Variants in VPS13A observed in about 807,000 individuals in gnomAD.
VPS13A encodes the protein vacuolar protein sorting 13 homolog A, also known as intermembrane lipid transfer protein VPS13A.
Under a neutral mutation model 390.9 loss-of-function variants are expected in VPS13A, and 264 were observed. The observed-to-expected ratio is 0.68, with a 90% CI of 0.61 to 0.75. VPS13A has a LOEUF of 0.75. Ranked by LOEUF, VPS13A falls within the 30% of genes least tolerant of loss-of-function variation. VPS13A has a pLI of 0.00. For synonymous variants in VPS13A, 1,231 were observed against 1,227.1 expected (o/e 1.00, Z -0.07); for missense variants, 3,409 against 3,733.9 (o/e 0.91, Z 2.27).
At chr9:77,323,021 G>A in intron 44 of VPS13A, 46 bp from the exon 45 acceptor site, 2 of 1,403,832 alleles carry the variant, frequency 1.4e-6, no homozygotes, top group Non-Finnish European at 9.9e-7. Context: ...AAATTAATAT[G>A]TAATGAATTA....
At chr9:77,280,086 T>G (rs1481186396) in intron 26 of VPS13A, 73 bp from the exon 27 acceptor site, 25 of 1,177,590 alleles carry the variant, frequency 2.1e-5, no homozygotes, top group Non-Finnish European at 2.6e-5. Flanking sequence ...AATTACATAA[T>G]TAATAAGATT....
chr9:77,324,784 C>G (rs1234222729), intron 45 of VPS13A, among the ~76,000 whole-genome samples: 1 of 152,102 alleles, frequency 6.6e-6, no homozygotes, highest in Non-Finnish European at 1.5e-5. Flanking sequence ...TTAAGCAATC[C>G]TCCTATCTCA....
rs535860312 is a variant in VPS13A at position 77,190,957 on chromosome 9, T to G, written c.101-8988T>G. Among the ~76,000 whole-genome samples the G allele has an allele frequency of 2.6e-5, 4 of 152,218 alleles. No homozygotes were observed. In the East Asian group the frequency reaches 5.8e-4, roughly 22 times the overall value. On this transcript the variant is annotated intron_variant, in intron 1 of 71. Coordinates refer to ENST00000360280, the MANE Select transcript of VPS13A (RefSeq NM_033305.3). ...TCTAATTGTGTTTATTTGGATCTCC[T>G]CTCTCTCTTTTTTTTTCTTTGTTAG...
intron 68 of VPS13A, among the ~76,000 whole-genome samples, chr9:77,394,945 ATGT>A (rs1158292755): frequency 8.5e-5 from 13 of 152,240 alleles, no homozygotes; most frequent in Non-Finnish European, 1.9e-4. Context: ...GCTTGAAGAA[ATGT>A]TGTGGCTGGT....
At chr9:77,299,410 A>C (rs1216716066) in intron 33 of VPS13A, among the ~76,000 whole-genome samples, 1 of 152,180 alleles carries the variant, frequency 6.6e-6, no homozygotes, top group African/African-American at 2.4e-5. Flanking sequence ...CAATCATTAA[A>C]AAGTCAGGAA....
intron 22 of VPS13A, among the ~76,000 whole-genome samples, chr9:77,253,681 C>T (rs1369607964): frequency 2.0e-5 from 3 of 152,120 alleles, no homozygotes; most frequent in Admixed American, 2.0e-4. Flanking sequence ...TTTTTTCTCA[C>T]TCTGTGTTTC....
chr9:77,197,555 T>A (rs1825075806), intron 1 of VPS13A, among the ~76,000 whole-genome samples: 1 of 152,212 alleles, frequency 6.6e-6, no homozygotes, highest in Admixed American at 6.5e-5. Context: ...AAAGTTTATA[T>A]GTCTAATATT....
intron 46 of VPS13A, among the ~76,000 whole-genome samples, chr9:77,334,318 GT>G (rs1830430952): frequency 6.6e-6 from 1 of 152,134 alleles, no homozygotes; most frequent in South Asian, 2.1e-4. Context: ...AGTTTGATCT[GT>G]TTTTTTCTTC....
At chr9:77,336,424 G>A (rs578129392) in intron 46 of VPS13A, among the ~76,000 whole-genome samples, 1 of 151,876 alleles carries the variant, frequency 6.6e-6, no homozygotes, top group South Asian at 2.1e-4. Flanking sequence ...AAAAAAAACA[G>A]CACTGTTCCG....
At position 77,415,977 on chromosome 9, in the gene VPS13A, G is replaced by A; in HGVS notation, c.9496G>A (p.Glu3166Lys). The A allele has an allele frequency of 6.2e-7, 1 of 1,613,476 alleles. No individual in the cohort carries two copies. Among genetic ancestry groups the A allele is most frequent in the South Asian group, 1.1e-5 (1 of 91,068 alleles). Residue 3166 changes from glutamate (E) to lysine (K), a missense_variant, in exon 72 of 72, where the codon GAA becomes AAA. By Grantham distance (56) the Glu-to-Lys change is moderately conservative. Coordinates refer to ENST00000360280, the MANE Select transcript of VPS13A (RefSeq NM_033305.3). The part of the protein sequence containing the change: ...DARWILTKLQ[E>K]AREPSPSL ...GCAGTGGATCCTCACAAAGCTACAA[G>A]AAGCAAGAGAACCTTCTCCGAGCCT...
At chr9:77,247,170 A>G in intron 19 of VPS13A, 89 bp from the exon 20 acceptor site, 2 of 1,101,190 alleles carry the variant, frequency 1.8e-6, no homozygotes, top group Non-Finnish European at 2.5e-6. Context: ...TTACATTAAG[A>G]TTGTTTTATC....
At chr9:77,248,028 A>C (rs1824925598) in intron 20 of VPS13A, among the ~76,000 whole-genome samples, 1 of 152,062 alleles carries the variant, frequency 6.6e-6, no homozygotes, top group South Asian at 2.1e-4. Flanking sequence ...CTCAATTTAG[A>C]CCTATTACTT....
At position 77,177,812 on chromosome 9, in the gene VPS13A, G is replaced by GGCCGCC. The variant is rs772386985; in HGVS notation, c.100+17_100+22dup. On this transcript the variant is annotated intron_variant, in intron 1 of 71. Transcript: ENST00000360280. ...CTCTGGGCATCTGGAAAGGTAAGGA[G>GGCCGCC]GCCGCCGCCGCCGCTCCCCGGCCTC... The GGCCGCC allele has an allele frequency of 2.6e-5, 42 of 1,604,890 alleles. No individual in the cohort carries two copies. The highest frequency in any genetic ancestry group is 1.8e-4 in the Middle Eastern group (1 of 5,626).
chr9:77,346,678 G>A (rs183951490), intron 52 of VPS13A, among the ~76,000 whole-genome samples: 2 of 152,198 alleles, frequency 1.3e-5, no homozygotes, highest in African/African-American at 4.8e-5. Flanking sequence ...GTCTTTGATC[G>A]ATCTTGAGTT....
At position 77,323,428 on chromosome 9, in the gene VPS13A, T is replaced by A. The variant is rs73654013; in HGVS notation, c.5991+201T>A. 0.014 allele frequency among the ~76,000 whole-genome samples: 2,148 copies of A among 152,318 alleles called. 49 individuals carry two copies. The highest frequency in any genetic ancestry group is 0.049 in the African/African-American group (2,052 of 41,576). ...AGGAATTTGTTCAATATACTTCTTA[T>A]AATTTTTTAATAGGAATATTTTGTA... On this transcript the variant is annotated intron_variant, in intron 45 of 71. Transcript: ENST00000360280.
intron 67 of VPS13A, among the ~76,000 whole-genome samples, chr9:77,372,885 A>AT (rs1178956399): frequency 4.6e-5 from 7 of 152,136 alleles, no homozygotes; most frequent in Non-Finnish European, 2.9e-5. Flanking sequence ...CCCATTCACA[A>AT]TTGCTTCAAA....
In VPS13A at chr9:77,421,393, T is replaced by C. The variant is rs950274574; in HGVS notation, c.*5387T>C. On this transcript the variant is annotated 3_prime_UTR_variant, in exon 72 of 72. Coordinates refer to ENST00000360280, the MANE Select transcript of VPS13A (RefSeq NM_033305.3). ...CTAATCTTATTCTTTTATTCCTCTC[T>C]CTAAAAATTGGTTGGCCATGCTCAC... The C allele has an allele frequency of 2.0e-5, 3 of 152,230 alleles. No homozygotes were observed. Among genetic ancestry groups the C allele is most frequent in the Non-Finnish European group, 4.4e-5 (3 of 68,038 alleles). The allele number at this position is 152,230 out of a possible 1,614,324, so 9.4% of individuals were successfully genotyped here. A position where few individuals can be genotyped will look rare whatever the true frequency, so the allele number is the denominator to read the frequency against.
Position 77,228,141 on chromosome 9 carries a change from T to C in VPS13A, c.1472T>C (p.Phe491Ser). 1.2e-6 allele frequency: 2 copies of C among 1,602,484 alleles called. No homozygotes were observed. The highest frequency in any genetic ancestry group is 1.7e-6 in the Non-Finnish European group (2 of 1,174,088). ...CCTTAGTTTGAAGCCTTGAAGTTTT[T>C]TGTCCACTTGAAAAGTATGTCTATT... is the stretch of plus-strand genomic sequence containing the variant. ...LLKTFEALKF[F>S]VHLKSMSIVL... Residue 491 changes from phenylalanine (F) to serine (S), a missense_variant, in exon 17 of 72, where the codon TTT becomes TCT. Phe to Ser is a radical substitution (Grantham distance 155). This residue lies in a region of VPS13A where 2,717 missense variants were observed against 2,917.4 expected (regional missense o/e 0.93). Coordinates refer to ENST00000360280, the MANE Select transcript of VPS13A (RefSeq NM_033305.3).
At chr9:77,282,698 G>A (rs1827109775) in intron 29 of VPS13A, among the ~76,000 whole-genome samples, 1 of 152,096 alleles carries the variant, frequency 6.6e-6, no homozygotes, top group Admixed American at 6.6e-5. Flanking sequence ...CCAGGGAGGT[G>A]AGCGCTGTGG....
Sources: gnomAD v4.1 joint callset for allele counts (sites outside exome capture counted in the v4.1 genomes callset) on GRCh38, gnomAD v4.1.1 for gene constraint, gnomAD v4.1.1 regional missense constraint, MANE v1.5 for transcripts, NCBI Gene and HGNC (gene_info 2026-07-23, HGNC 2026-07-21) for gene names.